The following CACNA2D1 variants were observed in gnomAD, a reference collection of about 807,000 sequenced individuals.
CACNA2D1 encodes the protein calcium voltage-gated channel auxiliary subunit alpha2delta 1, also known as voltage-dependent calcium channel subunit alpha-2/delta-1.
CACNA2D1 carries 53 observed loss-of-function variants against 171.5 expected under a neutral mutation model. The ratio of observed to expected loss-of-function variants is 0.31; its 90% CI spans 0.25 to 0.39. CACNA2D1 has a LOEUF of 0.39. Among genes scored for constraint, CACNA2D1 ranks in the 10% least tolerant of loss-of-function variants. The pLI is 1.00. For missense variants in CACNA2D1, 903 were observed against 1,299.8 expected (o/e 0.69, Z 4.69); for synonymous variants, 442 against 443.1 (o/e 1.00, Z 0.03).
chr7:82,170,953 T>C (rs1194479317), intron 3 of CACNA2D1, among the ~76,000 whole-genome samples: 2 of 152,068 alleles, frequency 1.3e-5, no homozygotes, highest in African/African-American at 4.8e-5. Flanking sequence ...TAGAATCTTA[T>C]TTTTAGTAAA....
intron 3 of CACNA2D1, among the ~76,000 whole-genome samples, chr7:82,293,470 T>C (rs1486608135): frequency 6.6e-6 from 1 of 152,204 alleles, no homozygotes; most frequent in Non-Finnish European, 1.5e-5. Context: ...GTTGGTGACC[T>C]GGCCATTTTG....
chr7:82,162,516 C>A (rs1210700102), intron 4 of CACNA2D1, among the ~76,000 whole-genome samples: 1 of 151,946 alleles, frequency 6.6e-6, no homozygotes, highest in Non-Finnish European at 1.5e-5. Flanking sequence ...TCATTCCTTT[C>A]AATTCCTATA....
At chr7:82,321,901 C>A (rs956829327) in intron 3 of CACNA2D1, among the ~76,000 whole-genome samples, 9 of 150,582 alleles carry the variant, frequency 6.0e-5, no homozygotes, top group South Asian at 4.2e-4. Context: ...CCGAGGCGGG[C>A]GGATCACGAG....
chr7:82,394,418 C>T (rs971148398), intron 1 of CACNA2D1, among the ~76,000 whole-genome samples: 1 of 151,804 alleles, frequency 6.6e-6, no homozygotes. Context: ...AAATAAAAAC[C>T]AAATTTTCTC....
At chr7:82,233,807 A>AT (rs1803236509) in intron 3 of CACNA2D1, among the ~76,000 whole-genome samples, 1 of 152,078 alleles carries the variant, frequency 6.6e-6, no homozygotes, top group Admixed American at 6.6e-5. Context: ...CTGTTTTCAT[A>AT]TTTTAAGTCA....
intron 3 of CACNA2D1, among the ~76,000 whole-genome samples, chr7:82,255,646 G>T (rs1806207965): frequency 6.6e-6 from 1 of 152,124 alleles, no homozygotes; most frequent in Non-Finnish European, 1.5e-5. Context: ...AGAACAAGAG[G>T]CCTTAGATTG....
At position 82,060,177 on chromosome 7, in the gene CACNA2D1, TAA is replaced by T. The variant is rs1491509190; in HGVS notation, c.879+249_879+250del. Among the ~76,000 whole-genome samples the T allele has an allele frequency of 5.9e-3, 94 of 16,038 alleles. 6 individuals carry two copies. Among genetic ancestry groups the T allele is most frequent in the African/African-American group, 0.015 (85 of 5,844 alleles). The allele number at this position is 16,038 out of a possible 152,430, so 10.5% of individuals were successfully genotyped here. ...ATTATATATATATAATATATATATA[TAA>T]TATATATATATTATATATATATTAT... On this transcript the variant is annotated intron_variant, in intron 10 of 38. Transcript: ENST00000356860.
chr7:82,298,325 C>G (rs995911231), intron 3 of CACNA2D1, among the ~76,000 whole-genome samples: 13 of 152,250 alleles, frequency 8.5e-5, no homozygotes, highest in African/African-American at 2.9e-4. Context: ...GATAACATTA[C>G]AGAGTGGCAT....
At chr7:82,383,126 T>G (rs1823898267) in intron 1 of CACNA2D1, among the ~76,000 whole-genome samples, 1 of 152,166 alleles carries the variant, frequency 6.6e-6, no homozygotes, top group African/African-American at 2.4e-5. Context: ...ACATTTGCCG[T>G]TTAGAACACA....
chr7:82,227,476 C>G (rs1367344599), intron 3 of CACNA2D1, among the ~76,000 whole-genome samples: 1 of 152,166 alleles, frequency 6.6e-6, no homozygotes, highest in African/African-American at 2.4e-5. Flanking sequence ...GTTTAGGAAG[C>G]TATTAAAATT....
At chr7:82,418,406 T>G (rs2129456622) in intron 1 of CACNA2D1, among the ~76,000 whole-genome samples, 1 of 152,314 alleles carries the variant, frequency 6.6e-6, no homozygotes, top group Non-Finnish European at 1.5e-5. Context: ...AGAGCCTCAT[T>G]AATGCCAATC....
intron 2 of CACNA2D1, among the ~76,000 whole-genome samples, chr7:82,337,531 A>G (rs982803122): frequency 1.3e-5 from 2 of 152,204 alleles, no homozygotes; most frequent in African/African-American, 4.8e-5. Flanking sequence ...AATATTTCAT[A>G]TATTAATATT....
rs1563241499 is a variant in CACNA2D1 at position 82,237,249 on chromosome 7, A to G, written c.295-66640T>C. 3.7e-5 allele frequency among the ~76,000 whole-genome samples: 5 copies of G among 134,934 alleles called. No individual in the cohort carries two copies. In the South Asian group the frequency reaches 1.2e-3, roughly 31 times the overall value. 88.5% of individuals were successfully genotyped at this position (134,934 alleles called of 152,430 possible). On this transcript the variant is annotated intron_variant, in intron 3 of 38. Coordinates refer to ENST00000356860, the MANE Select transcript of CACNA2D1 (RefSeq NM_000722.4). ...TACATTTCAAAATACTAAACTAATG[A>G]TAATCATTTTCCCCCTGACATTTTC...
chr7:82,337,649 G>C (rs998015920), intron 2 of CACNA2D1, among the ~76,000 whole-genome samples: 1 of 152,110 alleles, frequency 6.6e-6, no homozygotes, highest in African/African-American at 2.4e-5. Flanking sequence ...AAAACAGCAT[G>C]GTGGAAATAA....
intron 3 of CACNA2D1, among the ~76,000 whole-genome samples, chr7:82,257,430 A>G (rs2129325872): frequency 6.6e-6 from 1 of 152,356 alleles, no homozygotes; most frequent in African/African-American, 2.4e-5. Flanking sequence ...GCATCTTGGG[A>G]TAATTTCCAT....
chr7:82,288,422 TACACACACAC>T (rs3054677), intron 3 of CACNA2D1, among the ~76,000 whole-genome samples: 2,127 of 147,348 alleles, frequency 0.014, 39 homozygotes, highest in Middle Eastern at 0.066. Context: ...TTTGCTTCTA[TACACACACAC>T]ACACACACAC....
intron 3 of CACNA2D1, among the ~76,000 whole-genome samples, chr7:82,319,168 C>T (rs1344556106): frequency 6.6e-6 from 1 of 152,030 alleles, no homozygotes; most frequent in Non-Finnish European, 1.5e-5. Context: ...ATCAGAAGCA[C>T]ATAAAAAATT....
chr7:82,112,364 C>T (rs990251061), intron 6 of CACNA2D1, among the ~76,000 whole-genome samples: 13 of 152,116 alleles, frequency 8.5e-5, no homozygotes, highest in Non-Finnish European at 1.3e-4. Context: ...CTACCAAAAC[C>T]ATGAACAAGT....
At chr7:82,413,967 T>C (rs1309879881) in intron 1 of CACNA2D1, among the ~76,000 whole-genome samples, 1 of 152,166 alleles carries the variant, frequency 6.6e-6, no homozygotes, top group Non-Finnish European at 1.5e-5. Context: ...ATCTGAGATG[T>C]AATAATAATA....
Sources: gnomAD v4.1 joint callset for allele counts (sites outside exome capture counted in the v4.1 genomes callset) on GRCh38, gnomAD v4.1.1 for gene constraint, MANE v1.5 for transcripts, NCBI Gene and HGNC (gene_info 2026-07-23, HGNC 2026-07-21) for gene names.